CTBP2: variants seen among roughly 807,000 people sequenced by gnomAD.
The protein encoded by CTBP2 is C-terminal binding protein 2, also known as C-terminal-binding protein 2.
A neutral mutation model predicts 80.3 loss-of-function variants in CTBP2; 30 were observed. The observed-to-expected ratio is 0.37, with a 90% CI of 0.28 to 0.51. CTBP2 has a LOEUF of 0.51. CTBP2 is among the 20% of genes least tolerant of loss of function. The pLI, the probability that CTBP2 is intolerant of heterozygous loss-of-function variation, is 0.93. For missense variants in CTBP2, 1,212 were observed against 1,375.3 expected (o/e 0.88, Z 1.88); for synonymous variants, 594 against 587.4 (o/e 1.01, Z -0.16).
At chr10:125,038,758 C>T (rs1204652753) in intron 3 of CTBP2, among the ~76,000 whole-genome samples, 2 of 152,222 alleles carry the variant, frequency 1.3e-5, no homozygotes, top group South Asian at 2.1e-4. Flanking sequence ...TCAGGGCCCA[C>T]CAGCCCTGAA....
At chr10:125,051,992 T>G (rs1055765299) in intron 2 of CTBP2, among the ~76,000 whole-genome samples, 1 of 152,200 alleles carries the variant, frequency 6.6e-6, no homozygotes, top group Non-Finnish European at 1.5e-5. Flanking sequence ...TGCGGATGCC[T>G]TATCTCAGAC....
At chr10:125,072,488 C>T (rs571010453) in intron 2 of CTBP2, among the ~76,000 whole-genome samples, 41 of 151,910 alleles carry the variant, frequency 2.7e-4, no homozygotes, top group Non-Finnish European at 4.9e-4. Context: ...TGATGGCAGG[C>T]GCCTGTAATC....
intron 1 of CTBP2, among the ~76,000 whole-genome samples, chr10:125,149,854 C>T (rs1334264364): frequency 6.6e-6 from 1 of 152,238 alleles, no homozygotes; most frequent in Non-Finnish European, 1.5e-5. Flanking sequence ...ACACACCCAA[C>T]TCTGTGCCAT....
intron 2 of CTBP2, among the ~76,000 whole-genome samples, chr10:125,097,827 C>T (rs1473552221): frequency 6.6e-6 from 1 of 152,090 alleles, no homozygotes; most frequent in South Asian, 2.1e-4. Context: ...AAAAGGCCGA[C>T]GAGGCTGGGA....
intron 4 of CTBP2, chr10:124,996,851 A>C (rs896608769): frequency 2.0e-4 from 31 of 151,392 alleles, no homozygotes; most frequent in African/African-American, 7.6e-4. Context: ...GTTTTCCAAC[A>C]AAGTCAAAAC....
intron 2 of CTBP2, 78 bp from the exon 3 acceptor site, chr10:125,039,233 G>A (rs1008422465): frequency 1.3e-5 from 7 of 543,054 alleles, no homozygotes; most frequent in Non-Finnish European, 2.3e-5. Context: ...GGACTTAACT[G>A]CTACTTTCTA....
At chr10:125,078,000 G>C (rs2135525819) in intron 2 of CTBP2, among the ~76,000 whole-genome samples, 1 of 152,318 alleles carries the variant, frequency 6.6e-6, no homozygotes, top group African/African-American at 2.4e-5. Context: ...CCTTTCTCAG[G>C]CCGGGCGCGG....
chr10:125,024,128 C>G (rs559197546), intron 1 of CTBP2, among the ~76,000 whole-genome samples: 2 of 152,376 alleles, frequency 1.3e-5, no homozygotes, highest in African/African-American at 4.8e-5. Flanking sequence ...CTGGCTCCGA[C>G]AGATCCAAAT....
intron 2 of CTBP2, among the ~76,000 whole-genome samples, chr10:125,046,495 G>A (rs930201767): frequency 3.6e-5 from 5 of 139,322 alleles, no homozygotes; most frequent in Non-Finnish European, 7.5e-5. Context: ...CTGAGATCCC[G>A]CCACTGCACT....
chr10:125,111,726 T>C (rs12781503), intron 1 of CTBP2, among the ~76,000 whole-genome samples: 2 of 152,194 alleles, frequency 1.3e-5, no homozygotes, highest in South Asian at 2.1e-4. Flanking sequence ...TTACTCTACA[T>C]GGAACAGAGA....
intron 2 of CTBP2, among the ~76,000 whole-genome samples, chr10:125,056,631 C>G (rs952757132): frequency 2.0e-5 from 3 of 152,234 alleles, no homozygotes; most frequent in African/African-American, 7.2e-5. Flanking sequence ...CTTTGTGCCT[C>G]AGCTTCATGG....
At chr10:125,010,769 G>A (rs12245559) in intron 1 of CTBP2, among the ~76,000 whole-genome samples, 25 of 152,292 alleles carry the variant, frequency 1.6e-4, no homozygotes, top group African/African-American at 2.9e-4. Context: ...ATGAGTGCCG[G>A]GGAATTTAAA....
chr10:125,087,153 C>A (rs1401445271), intron 2 of CTBP2, among the ~76,000 whole-genome samples: 1 of 151,156 alleles, frequency 6.6e-6, no homozygotes, highest in Non-Finnish European at 1.5e-5. Flanking sequence ...CAGCTCCCTG[C>A]AACTTCCAAC....
chr10:125,004,416 G>A lies in CTBP2; in HGVS notation c.1679-924C>T, dbSNP rs111796539. 1.8e-3 allele frequency among the ~76,000 whole-genome samples: 277 copies of A among 152,248 alleles called. 1 individual carries two copies. Among genetic ancestry groups the A allele is most frequent in the African/African-American group, 6.4e-3 (266 of 41,540 alleles). On this transcript the variant is annotated intron_variant, in intron 1 of 8. Transcript: ENST00000309035. Reference sequence around the variant, plus strand: ...CTGTGCAGCAAACCCAGCAGGCTCCGAAGACCTCAGAGACAGAGAAGCAGC... The same window carrying A: ...CTGTGCAGCAAACCCAGCAGGCTCCAAAGACCTCAGAGACAGAGAAGCAGC...
At chr10:125,057,924 G>A (rs1454919662) in intron 2 of CTBP2, among the ~76,000 whole-genome samples, 1 of 152,128 alleles carries the variant, frequency 6.6e-6, no homozygotes, top group African/African-American at 2.4e-5. Flanking sequence ...CTGTCCACAG[G>A]CCCCCAAGAG....
chr10:125,043,476 G>A lies in CTBP2; in HGVS notation c.-101-4321C>T, dbSNP rs147557633. On this transcript the variant is annotated intron_variant, in intron 2 of 10. Transcript: ENST00000337195. ...TTTTGAGAAGGAGTCTTGCTCTGTC[G>A]CCCAGGCTGGAGTGCAGGGGCGCAA... 8.9e-3 allele frequency among the ~76,000 whole-genome samples: 1,348 copies of A among 151,198 alleles called. 8 individuals carry two copies. The highest frequency in any genetic ancestry group is 0.028 in the East Asian group (140 of 5,088).
intron 8 of CTBP2, 107 bp downstream of exon 10, chr10:124,992,588 G>A (rs1465646111): frequency 4.3e-6 from 3 of 696,560 alleles, no homozygotes; most frequent in Non-Finnish European, 7.4e-6. Context: ...TTCTGACCCT[G>A]ACTTAGCATC....
intron 1 of CTBP2, among the ~76,000 whole-genome samples, chr10:125,150,418 A>T (rs1859615187): frequency 6.6e-6 from 1 of 152,176 alleles, no homozygotes; most frequent in Non-Finnish European, 1.5e-5. Context: ...AGAGACACAC[A>T]GATGAGGGCA....
intron 1 of CTBP2, among the ~76,000 whole-genome samples, chr10:125,023,208 TC>T (rs1957224521): frequency 6.6e-6 from 1 of 152,176 alleles, no homozygotes; most frequent in Non-Finnish European, 1.5e-5. Flanking sequence ...TCCAGTTGCA[TC>T]AAGAAAAACG....
Sources: gnomAD v4.1 joint callset for allele counts (sites outside exome capture counted in the v4.1 genomes callset) on GRCh38, gnomAD v4.1.1 for gene constraint, MANE v1.5 for transcripts, NCBI Gene and HGNC (gene_info 2026-07-23, HGNC 2026-07-21) for gene names.